The following SUSD6 variants were observed in gnomAD, a reference collection of about 807,000 sequenced individuals.
SUSD6 encodes the protein sushi domain-containing protein 6.
SUSD6 carries 16 observed loss-of-function variants against 28.4 expected under a neutral mutation model. The ratio of observed to expected loss-of-function variants is 0.56; its 90% CI spans 0.38 to 0.86. The LOEUF (loss-of-function observed/expected upper bound fraction) is 0.86, where lower values mean the gene tolerates loss of function less well. Ranked by LOEUF, SUSD6 falls within the 40% of genes least tolerant of loss-of-function variation. SUSD6 has a pLI of 0.00. For synonymous variants in SUSD6, 147 were observed against 159.6 expected, an observed-to-expected ratio of 0.92 and a Z score of 0.59; for missense variants, 341 against 384.2, an observed-to-expected ratio of 0.89 and a Z score of 0.94.
chr14:69,697,424 T>A (rs1337523219), intron 2 of SUSD6, among the ~76,000 whole-genome samples: 2 of 152,304 alleles, frequency 1.3e-5, no homozygotes, highest in South Asian at 2.1e-4. Context: ...ATGGAGTCGC[T>A]GTCATTCAGA....
At chr14:69,644,518 C>A (rs1002686783) in intron 1 of SUSD6, among the ~76,000 whole-genome samples, 5 of 151,876 alleles carry the variant, frequency 3.3e-5, no homozygotes, top group Non-Finnish European at 5.9e-5. Flanking sequence ...GGCTTGGGGG[C>A]GTGTGCCTGT....
chr14:69,667,879 A>G (rs917026086), intron 2 of SUSD6, among the ~76,000 whole-genome samples: 4 of 152,222 alleles, frequency 2.6e-5, no homozygotes, highest in Non-Finnish European at 5.9e-5. Context: ...GTGTTTGCAT[A>G]TAAGCTCGTT....
At chr14:69,638,881 C>T (rs573569220) in intron 1 of SUSD6, among the ~76,000 whole-genome samples, 39 of 152,282 alleles carry the variant, frequency 2.6e-4, no homozygotes, top group Non-Finnish European at 4.4e-4. Context: ...GCCTTTTAGG[C>T]GGGCCCCTCT....
rs762464091 is a variant in SUSD6, at chr14:69,698,319, C to T, written c.122-5076C>T. Among the ~76,000 whole-genome samples, 4 of 152,210 alleles carry T rather than the reference C, an allele frequency of 2.6e-5. No individual in the cohort carries two copies. In the East Asian group the frequency reaches 7.7e-4, roughly 29 times the overall value. On this transcript the variant is annotated intron_variant, in intron 2 of 5. Transcript: ENST00000342745. ...CCAGCCTGGGTGACAGGGGACAGGG[C>T]GAGACTCATCACAAACAAACAAACA...
chr14:69,710,597 C>T (rs760349066), intron 5 of SUSD6, among the ~76,000 whole-genome samples: 11 of 152,170 alleles, frequency 7.2e-5, no homozygotes, highest in Non-Finnish European at 1.0e-4. Flanking sequence ...CAAAGTCACA[C>T]GACTGGCAGA....
chr14:69,708,552 C>T lies in SUSD6; in HGVS notation c.459-125C>T, dbSNP rs887455444. 4.1e-6 allele frequency: 3 copies of T among 728,096 alleles called. No individual in the cohort carries two copies. In the African/African-American group the frequency reaches 5.4e-5, roughly 13 times the overall value. The allele number at this position is 728,096 out of a possible 1,614,324, so 45.1% of individuals were successfully genotyped here. A position where few individuals can be genotyped will look rare whatever the true frequency, so the allele number is the denominator to read the frequency against. ...CCAGCATGATAAGGTGTTTAAAATT[C>T]CTAGTGCTTTGCCTGGCACATAGTA... On this transcript the variant is annotated intron_variant, in intron 4 of 5. Coordinates refer to ENST00000342745, the MANE Select transcript of SUSD6 (RefSeq NM_014734.4).
At chr14:69,662,587 G>A (rs778928341) in intron 2 of SUSD6, among the ~76,000 whole-genome samples, 22 of 152,174 alleles carry the variant, frequency 1.4e-4, no homozygotes, top group Non-Finnish European at 2.9e-4. Flanking sequence ...GGCAAAAGGA[G>A]GCGTATCTTA....
intron 2 of SUSD6, among the ~76,000 whole-genome samples, chr14:69,694,624 A>T (rs1449841454): frequency 6.6e-6 from 1 of 152,186 alleles, no homozygotes; most frequent in East Asian, 1.9e-4. Flanking sequence ...ATGACTAAGG[A>T]CTTTAGAGGC....
intron 1 of SUSD6, among the ~76,000 whole-genome samples, chr14:69,627,616 C>G (rs1231343007): frequency 6.6e-6 from 1 of 152,148 alleles, no homozygotes; most frequent in South Asian, 2.1e-4. Flanking sequence ...AGGCGCCCAC[C>G]ACCACGCCTG....
chr14:69,619,102 C>T (rs1884998849), intron 1 of SUSD6, among the ~76,000 whole-genome samples: 1 of 152,194 alleles, frequency 6.6e-6, no homozygotes, highest in Non-Finnish European at 1.5e-5. Context: ...CTTTTCCCTC[C>T]CGGTGTGATC....
chr14:69,637,322 T>G (rs1020086736), intron 1 of SUSD6, among the ~76,000 whole-genome samples: 10 of 152,134 alleles, frequency 6.6e-5, no homozygotes, highest in African/African-American at 2.4e-4. Context: ...GTCTGTTTCC[T>G]TGTTCTTCCT....
intron 1 of SUSD6, among the ~76,000 whole-genome samples, chr14:69,612,588 G>C (rs781375607): frequency 1.6e-4 from 25 of 152,146 alleles, no homozygotes; most frequent in Admixed American, 6.5e-5. Flanking sequence ...AGGAGGGGGA[G>C]GTGGTTATGG....
chr14:69,685,110 A>G (rs564293492), intron 2 of SUSD6, among the ~76,000 whole-genome samples: 1 of 152,274 alleles, frequency 6.6e-6, no homozygotes, highest in South Asian at 2.1e-4. Flanking sequence ...AGTTGAGAGG[A>G]CTCAGGAAGG....
At chr14:69,647,743 G>A (rs1042488056) in intron 1 of SUSD6, among the ~76,000 whole-genome samples, 19 of 152,192 alleles carry the variant, frequency 1.2e-4, no homozygotes, top group African/African-American at 4.6e-4. Flanking sequence ...CCAGCACTTC[G>A]GGAGGCCAAG....
intron 2 of SUSD6, among the ~76,000 whole-genome samples, chr14:69,692,928 T>G (rs760890790): frequency 5.3e-5 from 8 of 152,128 alleles, no homozygotes; most frequent in Non-Finnish European, 1.2e-4. Context: ...AAACACATAT[T>G]TTAGCTCAGG....
At chr14:69,681,055 C>T (rs560092907) in intron 2 of SUSD6, among the ~76,000 whole-genome samples, 24 of 152,274 alleles carry the variant, frequency 1.6e-4, no homozygotes, top group Non-Finnish European at 2.8e-4. Flanking sequence ...AAGGAAGATG[C>T]CTTTTTTGTG....
chr14:69,686,667 AAGAG>A (rs1163737678), intron 2 of SUSD6, among the ~76,000 whole-genome samples: 2 of 152,246 alleles, frequency 1.3e-5, no homozygotes, highest in Non-Finnish European at 2.9e-5. Flanking sequence ...AGCAGGCAAA[AAGAG>A]AGCTTATGCA....
intron 4 of SUSD6, among the ~76,000 whole-genome samples, chr14:69,707,195 T>C (rs764558635): frequency 4.6e-5 from 7 of 152,210 alleles, no homozygotes; most frequent in Admixed American, 1.3e-4. Context: ...ATTTGTGTTA[T>C]TGTATTACAC....
intron 2 of SUSD6, among the ~76,000 whole-genome samples, chr14:69,700,487 G>A (rs533662592): frequency 6.6e-6 from 1 of 152,192 alleles, no homozygotes; most frequent in Non-Finnish European, 1.5e-5. Context: ...TCCTCTACAA[G>A]ATGGTTTCAT....
Sources: gnomAD v4.1 joint callset for allele counts (sites outside exome capture counted in the v4.1 genomes callset) on GRCh38, gnomAD v4.1.1 for gene constraint, MANE v1.5 for transcripts, NCBI Gene and HGNC (gene_info 2026-07-23, HGNC 2026-07-21) for gene names.